Variants in CEP164 observed in about 807,000 individuals in gnomAD.
CEP164 encodes centrosomal protein of 164 kDa.
CEP164 carries 162 observed loss-of-function variants against 182.7 expected under a neutral mutation model. The ratio of observed to expected loss-of-function variants is 0.89; its 90% CI spans 0.78 to 1.01. The LOEUF (loss-of-function observed/expected upper bound fraction) is 1.01, where lower values mean the gene tolerates loss of function less well. CEP164 is among the 50% of genes least tolerant of loss of function. The pLI is 0.00. For synonymous variants in CEP164, 661 were observed against 690.0 expected, an observed-to-expected ratio of 0.96 and a Z score of 0.66; for missense variants, 1,735 against 1,790.4, an observed-to-expected ratio of 0.97 and a Z score of 0.56.
intron 3 of CEP164, among the ~76,000 whole-genome samples, chr11:117,341,967 G>C (rs999192171): frequency 6.6e-6 from 1 of 152,168 alleles, no homozygotes; most frequent in African/African-American, 2.4e-5. Context: ...TTGTTGCCCA[G>C]GCTGGAGTGC....
intron 1 of CEP164, among the ~76,000 whole-genome samples, chr11:117,332,785 C>T (rs1477430838): frequency 6.6e-6 from 1 of 152,072 alleles, no homozygotes; most frequent in Non-Finnish European, 1.5e-5. Context: ...TTGGGTGACC[C>T]CTCCTAACTC....
chr11:117,369,287 G>A (rs1159984628), intron 8 of CEP164, among the ~76,000 whole-genome samples: 2 of 152,172 alleles, frequency 1.3e-5, no homozygotes, highest in African/African-American at 2.4e-5. Flanking sequence ...TCCCAACAAC[G>A]CTCCTTATGG....
chr11:117,367,392 A>C (rs2041760491), intron 8 of CEP164, among the ~76,000 whole-genome samples: 1 of 152,256 alleles, frequency 6.6e-6, no homozygotes, highest in Non-Finnish European at 1.5e-5. Flanking sequence ...TGTTTTAGGT[A>C]AGGCAGACTA....
At chr11:117,332,649 C>T (rs1450428087) in intron 1 of CEP164, among the ~76,000 whole-genome samples, 1 of 152,106 alleles carries the variant, frequency 6.6e-6, no homozygotes, top group East Asian at 1.9e-4. Context: ...ATTATGAGCT[C>T]AGTGCTAAGG....
intron 27 of CEP164, among the ~76,000 whole-genome samples, chr11:117,402,164 T>A (rs1446515048): frequency 1.3e-5 from 2 of 152,166 alleles, no homozygotes; most frequent in Non-Finnish European, 2.9e-5. Flanking sequence ...GAGATTCTGG[T>A]ACATTGTGTC....
chr11:117,324,494 T>C (rs1591896178), upstream of CEP164, among the ~76,000 whole-genome samples: 1 of 152,262 alleles, frequency 6.6e-6, no homozygotes, highest in African/African-American at 2.4e-5. Flanking sequence ...CCCCAAAGTC[T>C]TACTTTTTAA....
chr11:117,358,971 G>A (rs1302753369), intron 5 of CEP164, among the ~76,000 whole-genome samples: 8 of 151,014 alleles, frequency 5.3e-5, no homozygotes, highest in African/African-American at 1.7e-4. Context: ...TTGAGACAGG[G>A]TCTCACTCTG....
chr11:117,361,810 T>C, intron 5 of CEP164, 25 bp from the exon 6 acceptor site: 1 of 1,614,076 alleles, frequency 6.2e-7, no homozygotes, highest in Non-Finnish European at 8.5e-7. Flanking sequence ...TCTTGAGTTG[T>C]AACAAGATGT....
chr11:117,388,852 G>T (rs1328772132), intron 15 of CEP164, among the ~76,000 whole-genome samples: 1 of 150,730 alleles, frequency 6.6e-6, no homozygotes, highest in East Asian at 1.9e-4. Context: ...TGCAAGCTCC[G>T]CCTCCCAGGT....
At chr11:117,401,752 G>A (rs1431406154) in intron 27 of CEP164, among the ~76,000 whole-genome samples, 1 of 152,138 alleles carries the variant, frequency 6.6e-6, no homozygotes, top group Non-Finnish European at 1.5e-5. Context: ...AGATTTTCTA[G>A]TTTATTTGCA....
At chr11:117,396,202 G>T in intron 25 of CEP164, 22 bp downstream of exon 25, 1 of 1,562,980 alleles carries the variant, frequency 6.4e-7, no homozygotes, top group South Asian at 1.1e-5. Flanking sequence ...GCTGGGGCCT[G>T]GGGGCTGGGG....
At chr11:117,393,175 A>G (rs746176129) in intron 20 of CEP164, 49 bp downstream of exon 20, 1 of 1,588,488 alleles carries the variant, frequency 6.3e-7, no homozygotes, top group South Asian at 1.1e-5. Context: ...GCACACACAC[A>G]TGCACGCACA....
rs778853551 is a variant in CEP164, at chr11:117,395,155, G to A, written c.2877G>A (p.Leu959=). Residue 959 remains leucine (L), a synonymous_variant, in exon 23 of 33, where the codon CTG becomes CTA. Coordinates refer to ENST00000278935, the MANE Select transcript of CEP164 (RefSeq NM_014956.5). The stretch of plus-strand genomic sequence containing the variant: ...CCGCCCGGAGGGAGAAGCAGCAGCT[G>A]CTTGATGTGCAGAGGCAGGTTGCTC... ...EETARREKQQ[L]LDVQRQVALK... is the part of the protein sequence containing the mutation. 1.9e-6 allele frequency: 3 copies of A among 1,614,130 alleles called. No individual in the cohort carries two copies. Among genetic ancestry groups the A allele is most frequent in the Non-Finnish European group, 2.5e-6 (3 of 1,180,032 alleles).
In CEP164 at chr11:117,361,926, G is replaced by T. The variant is rs139763142; in HGVS notation, c.485G>T (p.Arg162Leu). 23 of 1,610,618 alleles carry T rather than the reference G, an allele frequency of 1.4e-5. No individual in the cohort carries two copies. The highest frequency in any genetic ancestry group is 1.8e-5 in the Non-Finnish European group (21 of 1,179,210). Residue 162 changes from arginine (R) to leucine (L), a missense_variant, in exon 6 of 33, where the codon CGT becomes CTT. By Grantham distance (102) the Arg-to-Leu change is moderately radical (BLOSUM62 -2). Coordinates refer to ENST00000278935, the MANE Select transcript of CEP164 (RefSeq NM_014956.5). ...GTGGATACCCCACCCTCTGCTCTTC[G>T]TGGATCTCAAAGCGTGAGCCTGGGG... The part of the protein sequence containing the change: ...GLVDTPPSAL[R>L]GSQSVSLGSS...
At chr11:117,363,359 T>C in intron 7 of CEP164, 70 bp from the exon 8 acceptor site, 1 of 1,170,068 alleles carries the variant, frequency 8.5e-7, no homozygotes, top group Non-Finnish European at 1.3e-6. Context: ...CACTTTTCCC[T>C]CTGCACACCC....
chr11:117,408,513 GTC>G (rs2046970143), intron 28 of CEP164: 1 of 290,396 alleles, frequency 3.4e-6, no homozygotes, highest in African/African-American at 2.1e-5. Flanking sequence ...TGGCACTGTT[GTC>G]TCTGTCTCAG....
At chr11:117,357,864 G>A (rs1485996517) in intron 5 of CEP164, among the ~76,000 whole-genome samples, 2 of 152,150 alleles carry the variant, frequency 1.3e-5, no homozygotes, top group African/African-American at 2.4e-5. Flanking sequence ...TATTTGTGAC[G>A]TCACTCTTGA....
intron 3 of CEP164, among the ~76,000 whole-genome samples, 183 bp downstream of exon 3, chr11:117,338,851 T>C (rs1232521098): frequency 6.6e-6 from 1 of 152,144 alleles, no homozygotes; most frequent in Non-Finnish European, 1.5e-5. Context: ...TAAGTTTCTT[T>C]CTGTTGCCCA....
chr11:117,381,425 C>T (rs946557616), intron 12 of CEP164, among the ~76,000 whole-genome samples: 1 of 152,122 alleles, frequency 6.6e-6, no homozygotes, highest in Admixed American at 6.5e-5. Context: ...GTGAGTGTGT[C>T]CTGCTCTTAC....
Sources: allele counts gnomAD v4.1 joint callset (sites outside exome capture counted in the v4.1 genomes callset), GRCh38; gene constraint gnomAD v4.1.1; transcripts MANE v1.5; gene names NCBI Gene and HGNC (gene_info 2026-07-23, HGNC 2026-07-21).